The following CRIM1 variants were observed in gnomAD, a reference collection of about 807,000 sequenced individuals.
The protein encoded by CRIM1 is cysteine rich transmembrane BMP regulator 1.
Under a neutral mutation model 116.4 loss-of-function variants are expected in CRIM1, and 32 were observed. That is an observed-to-expected ratio of 0.27 (90% CI 0.21 to 0.37). The LOEUF is 0.37. Among genes scored for constraint, CRIM1 ranks in the 10% least tolerant of loss-of-function variants. The pLI is 1.00. For synonymous variants in CRIM1, 590 were observed against 509.2 expected (o/e 1.16, Z -2.13); for missense variants, 1,331 against 1,354.8 (o/e 0.98, Z 0.28).
chr2:36,451,013 C>T (rs1243631896), intron 4 of CRIM1, among the ~76,000 whole-genome samples: 1 of 152,188 alleles, frequency 6.6e-6, no homozygotes, highest in African/African-American at 2.4e-5. Flanking sequence ...TTATCCCTTC[C>T]CTTCAGAAGC....
chr2:36,486,152 G>A (rs1374903925), intron 7 of CRIM1, among the ~76,000 whole-genome samples: 2 of 152,212 alleles, frequency 1.3e-5, no homozygotes, highest in East Asian at 1.9e-4. Flanking sequence ...CTCACATCCA[G>A]CCTTAATATA....
intron 1 of CRIM1, among the ~76,000 whole-genome samples, chr2:36,390,740 C>T (rs1572624619): frequency 6.6e-6 from 1 of 152,266 alleles, no homozygotes; most frequent in Non-Finnish European, 1.5e-5. Context: ...GCAAAATTTT[C>T]AGCCTTTTCT....
chr2:36,448,292 T>G (rs1676403945), intron 4 of CRIM1, among the ~76,000 whole-genome samples: 1 of 152,230 alleles, frequency 6.6e-6, no homozygotes, highest in Non-Finnish European at 1.5e-5. Flanking sequence ...GCAGATGCAT[T>G]TGAAGGATGG....
At chr2:36,472,246 C>T (rs910480123) in intron 5 of CRIM1, among the ~76,000 whole-genome samples, 8 of 152,108 alleles carry the variant, frequency 5.3e-5, no homozygotes, top group African/African-American at 1.7e-4. Context: ...TGGCAATCTC[C>T]ACACTGTTCT....
At chr2:36,382,107 T>A (rs1670823379) in intron 1 of CRIM1, among the ~76,000 whole-genome samples, 1 of 152,198 alleles carries the variant, frequency 6.6e-6, no homozygotes, top group Non-Finnish European at 1.5e-5. Context: ...CCTTGTATCC[T>A]CAACTTCCTC....
intron 7 of CRIM1, among the ~76,000 whole-genome samples, chr2:36,495,479 T>TTTA (rs1553323416): frequency 1.7e-4 from 21 of 125,476 alleles, no homozygotes; most frequent in East Asian, 4.7e-4. Context: ...TTATTTATTT[T>TTTA]TTTTTTTTTT....
intron 1 of CRIM1, among the ~76,000 whole-genome samples, chr2:36,374,369 G>C (rs1670159054): frequency 6.6e-6 from 1 of 152,170 alleles, no homozygotes; most frequent in Non-Finnish European, 1.5e-5. Flanking sequence ...ACTGTAAAGG[G>C]ATAACTTTAC....
At position 36,544,297 on chromosome 2, in the gene CRIM1, CA is replaced by C. The variant is rs1290391942; in HGVS notation, c.2624-78del. 29 of 1,226,740 alleles carry C rather than the reference CA, an allele frequency of 2.4e-5. No homozygotes were observed. In the African/African-American group the frequency reaches 4.2e-4, roughly 18 times the overall value. The allele number at this position is 1,226,740 out of a possible 1,614,324, so 76.0% of individuals were successfully genotyped here. A position where few individuals can be genotyped will look rare whatever the true frequency, so the allele number is the denominator to read the frequency against. ...AGGAAATGTGGTCTTGAATTGAGTG[CA>C]CCATTTGGATTGAGAATACAAAAGC... On this transcript the variant is annotated intron_variant, in intron 14 of 16. Coordinates refer to ENST00000280527, the MANE Select transcript of CRIM1 (RefSeq NM_016441.3).
At chr2:36,517,152 A>G (rs1665084230) in intron 11 of CRIM1, among the ~76,000 whole-genome samples, 175 bp from the exon 12 acceptor site, 1 of 152,124 alleles carries the variant, frequency 6.6e-6, no homozygotes, top group Non-Finnish European at 1.5e-5. Context: ...CTCTTTTGCC[A>G]TTGTCTTCTG....
chr2:36,446,908 A>G (rs981648049), intron 4 of CRIM1, among the ~76,000 whole-genome samples: 4 of 152,256 alleles, frequency 2.6e-5, no homozygotes, highest in African/African-American at 9.6e-5. Flanking sequence ...ATGTGTGTGC[A>G]TGTACAGATG....
Position 36,356,466 on chromosome 2 carries a change from C to T in CRIM1, c.174C>T (p.Gly58=). 1.2e-6 allele frequency: 2 copies of T among 1,612,578 alleles called. No homozygotes were observed. Among genetic ancestry groups the T allele is most frequent in the Middle Eastern group, 1.7e-4 (1 of 6,044 alleles). The change falls in exon 1 of 17, where the codon GGC becomes GGT. Residue 58 remains glycine, a synonymous_variant. Coordinates refer to ENST00000280527, the MANE Select transcript of CRIM1 (RefSeq NM_016441.3). This position sits in a 1 kb window ranked among gnomAD's most constrained non-coding sequence, Gnocchi z 4.3. ...ACTGCCCGGGGAGCATCGTGCAGGG[C>T]GTCTGCGGCTGCTGCTACACGTGCG... The part of the protein sequence containing the change: ...PRNCPGSIVQ[G]VCGCCYTCAS...
At chr2:36,511,073 C>G (rs1423306014) in intron 9 of CRIM1, among the ~76,000 whole-genome samples, 1 of 152,022 alleles carries the variant, frequency 6.6e-6, no homozygotes, top group East Asian at 1.9e-4. Flanking sequence ...TCCCGAGTAG[C>G]TGGGACTAGA....
At chr2:36,545,494 T>TA (rs1287933843) in intron 15 of CRIM1, among the ~76,000 whole-genome samples, 1 of 152,202 alleles carries the variant, frequency 6.6e-6, no homozygotes, top group Non-Finnish European at 1.5e-5. Flanking sequence ...ATCTATGTTA[T>TA]AAAGCCCCTA....
intron 7 of CRIM1, among the ~76,000 whole-genome samples, chr2:36,482,628 A>G (rs1395640938): frequency 2.0e-5 from 3 of 152,248 alleles, no homozygotes; most frequent in Non-Finnish European, 4.4e-5. Flanking sequence ...TCACCCAGAA[A>G]TAGTTAGAGG....
intron 2 of CRIM1, among the ~76,000 whole-genome samples, chr2:36,439,568 C>T (rs955005423): frequency 7.2e-5 from 11 of 152,292 alleles, no homozygotes; most frequent in Admixed American, 7.2e-4. Flanking sequence ...GCCACACTGA[C>T]GTTCTTACTC....
intron 1 of CRIM1, among the ~76,000 whole-genome samples, chr2:36,391,809 A>G (rs906606589): frequency 6.6e-6 from 1 of 152,212 alleles, no homozygotes; most frequent in Non-Finnish European, 1.5e-5. Flanking sequence ...AAAAAAAAAA[A>G]AAATGGTACA....
At chr2:36,472,569 A>G (rs138633201) in intron 5 of CRIM1, among the ~76,000 whole-genome samples, 234 of 152,250 alleles carry the variant, frequency 1.5e-3, no homozygotes, top group African/African-American at 4.9e-3. Context: ...ACACCCTACC[A>G]TAAAAACAAG....
intron 2 of CRIM1, among the ~76,000 whole-genome samples, chr2:36,425,584 T>C (rs965378529): frequency 1.3e-5 from 2 of 152,224 alleles, no homozygotes; most frequent in African/African-American, 4.8e-5. Context: ...TAACATAATT[T>C]GGAACGGAAA....
At chr2:36,529,228 A>G (rs1665956955) in intron 13 of CRIM1, 2 of 470,930 alleles carry the variant, frequency 4.2e-6, no homozygotes, top group South Asian at 1.5e-5. Context: ...GGCCCACCTG[A>G]TAAGAACCCT....
Sources: gnomAD v4.1 joint callset for allele counts (sites outside exome capture counted in the v4.1 genomes callset) on GRCh38, gnomAD v4.1.1 for gene constraint, Gnocchi (gnomAD v3.1) non-coding constraint, MANE v1.5 for transcripts, NCBI Gene and HGNC (gene_info 2026-07-23, HGNC 2026-07-21) for gene names.